The following UBN2 variants were observed in gnomAD, a reference collection of about 807,000 sequenced individuals.
UBN2 encodes ubinuclein-2.
Under a neutral mutation model 120.2 loss-of-function variants are expected in UBN2, and 35 were observed. That is an observed-to-expected ratio of 0.29 (90% CI 0.22 to 0.39). The LOEUF is 0.39. Among genes scored for constraint, UBN2 ranks in the 10% least tolerant of loss-of-function variants. The pLI is 1.00. For missense variants in UBN2, 1,693 were observed against 1,663.2 expected (o/e 1.02, Z -0.31); for synonymous variants, 661 against 648.7 (o/e 1.02, Z -0.29).
chr7:139,317,653 T>C, the UBN2 span, among the ~76,000 whole-genome samples: 2 of 151,986 alleles, frequency 1.3e-5, no homozygotes, highest in Non-Finnish European at 2.9e-5. Flanking sequence ...TCAGCTATTC[T>C]TGTTGTTTTG....
the UBN2 span, among the ~76,000 whole-genome samples, chr7:139,329,552 C>T: frequency 6.6e-6 from 1 of 152,134 alleles, no homozygotes. Context: ...CCCACTGAAA[C>T]AGAAGTAATC....
intron 1 of UBN2, among the ~76,000 whole-genome samples, chr7:139,235,128 A>G (rs1203324678): frequency 6.6e-6 from 1 of 152,216 alleles, no homozygotes; most frequent in African/African-American, 2.4e-5. Flanking sequence ...TTAGAATGGC[A>G]TATAAGGTGA....
the UBN2 span, among the ~76,000 whole-genome samples, chr7:139,319,926 AT>A: frequency 6.6e-6 from 1 of 150,888 alleles, no homozygotes; most frequent in Non-Finnish European, 1.5e-5. Flanking sequence ...AATACAAAAA[AT>A]TAGCTGAGTG....
chr7:139,241,779 C>A (rs1365504002), intron 2 of UBN2, among the ~76,000 whole-genome samples: 1 of 152,158 alleles, frequency 6.6e-6, no homozygotes, highest in African/African-American at 2.4e-5. Flanking sequence ...GGCAGATCAC[C>A]TGAGGTCAGG....
At chr7:139,240,713 C>G (rs1796298218) in intron 2 of UBN2, among the ~76,000 whole-genome samples, 1 of 152,002 alleles carries the variant, frequency 6.6e-6, no homozygotes, top group Admixed American at 6.6e-5. Context: ...GGGGTTCCCC[C>G]CTCCATTGTG....
intron 3 of UBN2, among the ~76,000 whole-genome samples, chr7:139,257,806 T>A (rs1796805660): frequency 6.6e-6 from 1 of 152,148 alleles, no homozygotes; most frequent in African/African-American, 2.4e-5. Context: ...TTGTTGCTGT[T>A]TTTTGTTTTT....
intron 1 of UBN2, among the ~76,000 whole-genome samples, chr7:139,232,529 T>G (rs758748593): frequency 6.6e-6 from 1 of 152,226 alleles, no homozygotes; most frequent in South Asian, 2.1e-4. Flanking sequence ...TTTCAGAGAC[T>G]AAGGATCCCA....
chr7:139,284,704 A>G (rs1797730462), intron 15 of UBN2, 130 bp downstream of exon 15: 3 of 781,928 alleles, frequency 3.8e-6, no homozygotes, highest in Non-Finnish European at 5.9e-6. Flanking sequence ...GCCTGCAGCC[A>G]TGGAATGTTC....
In UBN2 at chr7:139,297,972, G is replaced by A; in HGVS notation, c.*136G>A. On this transcript the variant is annotated 3_prime_UTR_variant, in exon 18 of 18. Coordinates refer to ENST00000473989, the MANE Select transcript of UBN2 (RefSeq NM_173569.4). ...CTCGTCCCAAGCACTGTGGTGAGGA[G>A]GAAAAAGAAAAGAAAACATTACTTG... 1 of 949,736 alleles carries A rather than the reference G, an allele frequency of 1.1e-6. No individual in the cohort carries two copies. Among genetic ancestry groups the A allele is most frequent in the Non-Finnish European group, 1.6e-6 (1 of 632,150 alleles). The allele number at this position is 949,736 out of a possible 1,614,324, so 58.8% of individuals were successfully genotyped here.
chr7:139,262,725 A>C (rs1253014049), intron 6 of UBN2, among the ~76,000 whole-genome samples: 19 of 151,786 alleles, frequency 1.3e-4, no homozygotes, highest in Admixed American at 1.2e-3. Flanking sequence ...AAAAAAAAAA[A>C]AAAACCCAAA....
Position 139,261,635 on chromosome 7 carries a change from C to A in UBN2, c.1289C>A (p.Thr430Asn). 6.2e-7 allele frequency: 1 copy of A among 1,614,184 alleles called. No individual in the cohort carries two copies. Among genetic ancestry groups the A allele is most frequent in the Non-Finnish European group, 8.5e-7 (1 of 1,180,038 alleles). Residue 430 changes from threonine to asparagine, a missense_variant, in exon 6 of 18, where the codon ACC (threonine) becomes AAC (asparagine). By Grantham distance (65) the Thr-to-Asn change is moderately conservative. This residue lies in a region of UBN2 where 663 missense variants were observed against 591.2 expected (regional missense o/e 1.12). Coordinates refer to ENST00000473989, the MANE Select transcript of UBN2 (RefSeq NM_173569.4). ...PLSESGGENG[T>N]TTQPTYTSQV... is the part of the protein sequence containing the mutation. ...TCTGAGTCGGGGGGTGAAAATGGAA[C>A]CACCACCCAGCCAACCTACACTTCT...
At chr7:139,246,645 C>T (rs554938511) in intron 2 of UBN2, among the ~76,000 whole-genome samples, 3 of 152,270 alleles carry the variant, frequency 2.0e-5, no homozygotes, top group Admixed American at 6.5e-5. Context: ...CCTGTAACCA[C>T]TACTACAATC....
rs1302488341 is a variant in UBN2, at chr7:139,231,482, G to T, written c.-3G>T. ...GCAAAAGCGGAGGGCCAGAACAGTG[G>T]GGATGGCGGAGCCGCGCAGAGTAGC... On this transcript the variant is annotated 5_prime_UTR_variant, in exon 1 of 18. Coordinates refer to ENST00000473989, the MANE Select transcript of UBN2 (RefSeq NM_173569.4). 19 of 1,373,942 alleles carry T rather than the reference G, an allele frequency of 1.4e-5. No homozygotes were observed. Among genetic ancestry groups the T allele is most frequent in the Non-Finnish European group, 1.8e-5 (19 of 1,056,652 alleles). The allele number at this position is 1,373,942 out of a possible 1,614,324, so 85.1% of individuals were successfully genotyped here. A position where few individuals can be genotyped will look rare whatever the true frequency, so the allele number is the denominator to read the frequency against.
chr7:139,266,727 TTATATAC>T (rs1797108848), intron 7 of UBN2, among the ~76,000 whole-genome samples: 1 of 152,188 alleles, frequency 6.6e-6, no homozygotes. Flanking sequence ...GTTAGAGCGT[TTATATAC>T]AGATTTGGCA....
rs1449332410 is a variant in UBN2 at position 139,301,558 on chromosome 7, T to C, written c.*3722T>C. 1 of 152,226 alleles carries C rather than the reference T, an allele frequency of 6.6e-6. No homozygotes were observed. Among genetic ancestry groups the C allele is most frequent in the Non-Finnish European group, 1.5e-5 (1 of 68,038 alleles). 9.4% of individuals were successfully genotyped at this position (152,226 alleles called of 1,614,324 possible). On this transcript the variant is annotated 3_prime_UTR_variant, in exon 18 of 18. Transcript: ENST00000473989. ...TTGACTTTAATTTACAGTTCTTTAT[T>C]TCTAGGATGTTTTGTCCTCTAGTTT...
Position 139,300,072 on chromosome 7 carries a change from A to G in UBN2, c.*2236A>G, listed in dbSNP as rs915974532. 1.3e-5 allele frequency: 2 copies of G among 152,210 alleles called. No individual in the cohort carries two copies. The highest frequency in any genetic ancestry group is 6.5e-5 in the Admixed American group (1 of 15,284). The allele number at this position is 152,210 out of a possible 1,614,324, so 9.4% of individuals were successfully genotyped here. ...AAAACCATCAATTCTGAATCATGCCATATGAAGATCCCTGGTGACTGTCAT... is the reference window on the plus strand; with the variant it reads ...AAAACCATCAATTCTGAATCATGCCGTATGAAGATCCCTGGTGACTGTCAT... On this transcript the variant is annotated 3_prime_UTR_variant, in exon 18 of 18. Transcript: ENST00000473989.
At chr7:139,321,072 G>A in the UBN2 span, among the ~76,000 whole-genome samples, 1 of 152,182 alleles carries the variant, frequency 6.6e-6, no homozygotes, top group African/African-American at 2.4e-5. Context: ...TTACTAAAAT[G>A]GGACTCTTTC....
intron 2 of UBN2, among the ~76,000 whole-genome samples, chr7:139,251,279 CTGTTGTTGACATCTTGCAA>C (rs1489143323): frequency 6.6e-6 from 1 of 152,134 alleles, no homozygotes; most frequent in Non-Finnish European, 1.5e-5. Flanking sequence ...CCACTGTCCC[CTGTTGTTGACATCTTGCAA>C]TGTTGTTGAC....
At chr7:139,235,493 A>G (rs1036045164) in intron 1 of UBN2, among the ~76,000 whole-genome samples, 4 of 151,848 alleles carry the variant, frequency 2.6e-5, no homozygotes, top group African/African-American at 9.7e-5. Flanking sequence ...TGCAACTTCC[A>G]CCTCCCAGGT....
Sources: allele counts gnomAD v4.1 joint callset (sites outside exome capture counted in the v4.1 genomes callset), GRCh38; gene constraint gnomAD v4.1.1; regional missense constraint gnomAD v4.1.1; transcripts MANE v1.5; gene names NCBI Gene and HGNC (gene_info 2026-07-23, HGNC 2026-07-21).